The following PARP16 variants were observed in gnomAD, a reference collection of about 807,000 sequenced individuals.
The protein encoded by PARP16 is protein mono-ADP-ribosyltransferase PARP16.
PARP16 carries 31 observed loss-of-function variants against 35.0 expected under a neutral mutation model. The observed-to-expected ratio is 0.88, with a 90% confidence interval of 0.66 to 1.19. PARP16 has a LOEUF of 1.19. Among genes scored for constraint, PARP16 ranks in the 50% most tolerant of loss-of-function variants. PARP16 has a pLI of 0.00. For missense variants in PARP16, 424 were observed against 411.2 expected (o/e 1.03, Z -0.27); for synonymous variants, 162 against 169.5 (o/e 0.96, Z 0.34).
chr15:65,263,569 C>A (rs1374914492), intron 3 of PARP16, among the ~76,000 whole-genome samples: 1 of 152,164 alleles, frequency 6.6e-6, no homozygotes, highest in Non-Finnish European at 1.5e-5. Context: ...CTAGCAGTTC[C>A]TTGTGGTCAA....
chr15:65,263,144 C>A lies in PARP16; in HGVS notation c.691+5G>T, dbSNP rs1448645186. On this transcript the variant is annotated splice_donor_5th_base_variant and intron_variant, in intron 4 of 5. Coordinates refer to ENST00000649807, the MANE Select transcript of PARP16 (RefSeq NM_001316943.2). ...AGCCCAGGTCTGGACCAAGTGCTCACTCACCCTTCTTCTTGGTTTGGCACT... is the reference window on the plus strand; with the variant it reads ...AGCCCAGGTCTGGACCAAGTGCTCAATCACCCTTCTTCTTGGTTTGGCACT... The A allele has an allele frequency of 6.2e-7, 1 of 1,613,050 alleles. No homozygotes were observed. Among genetic ancestry groups the A allele is most frequent in the Admixed American group, 1.7e-5 (1 of 59,884 alleles).
intron 2 of PARP16, among the ~76,000 whole-genome samples, chr15:65,269,184 C>CTTTCTT (rs769154615): frequency 1.5e-4 from 22 of 147,014 alleles, no homozygotes; most frequent in Admixed American, 2.7e-4. Flanking sequence ...TTTTTTCTTT[C>CTTTCTT]TTTCTTTCTT....
At chr15:65,260,507 C>G (rs1288638791) in intron 5 of PARP16, among the ~76,000 whole-genome samples, 1 of 152,180 alleles carries the variant, frequency 6.6e-6, no homozygotes, top group African/African-American at 2.4e-5. Context: ...ACTGAGCCAG[C>G]CTGTGCACAA....
downstream of PARP16, among the ~76,000 whole-genome samples, chr15:65,257,213 T>A (rs1427362636): frequency 6.6e-6 from 1 of 152,130 alleles, no homozygotes; most frequent in African/African-American, 2.4e-5. Flanking sequence ...GGTCAGGAGT[T>A]CATGACCAGC....
downstream of PARP16, among the ~76,000 whole-genome samples, chr15:65,257,164 C>T (rs1420512934): frequency 6.6e-6 from 1 of 152,098 alleles, no homozygotes; most frequent in Non-Finnish European, 1.5e-5. Flanking sequence ...CACCTGTAAT[C>T]CCAGTACTTT....
At chr15:65,251,687 G>A (rs530437023) in intron 2 of PARP16, among the ~76,000 whole-genome samples, 1 of 151,196 alleles carries the variant, frequency 6.6e-6, no homozygotes, top group African/African-American at 2.4e-5. Flanking sequence ...ATATCAAAAT[G>A]AGATACTATT....
At position 65,261,035 on chromosome 15, in the gene PARP16, G is replaced by C. The variant is rs767861788; in HGVS notation, c.692-9C>G. 2.5e-5 allele frequency: 40 copies of C among 1,612,336 alleles called. No individual in the cohort carries two copies. The highest frequency in any genetic ancestry group is 3.4e-5 in the Non-Finnish European group (40 of 1,178,988). On this transcript the variant is annotated splice_polypyrimidine_tract_variant and intron_variant, in intron 4 of 5. Transcript: ENST00000649807. The stretch of plus-strand genomic sequence containing the variant: ...ATCTATCTCCTTGGAATCTGAATAA[G>C]GAGAGTAAAACACATCTTCACTGGG...
At chr15:65,243,715 A>G (rs1484915262) in intron 3 of PARP16, among the ~76,000 whole-genome samples, 2 of 151,932 alleles carry the variant, frequency 1.3e-5, no homozygotes, top group African/African-American at 4.9e-5. Context: ...CTGGGCCTGG[A>G]GGGTTTCATT....
chr15:65,230,938 G>T (rs1199691946), downstream of PARP16, among the ~76,000 whole-genome samples: 1 of 143,314 alleles, frequency 7.0e-6, no homozygotes, highest in Non-Finnish European at 1.5e-5. Context: ...ACCTGGGCTG[G>T]AGTGCAGTGG....
At chr15:65,269,685 A>T (rs961275502) in intron 2 of PARP16, among the ~76,000 whole-genome samples, 2 of 152,216 alleles carry the variant, frequency 1.3e-5, no homozygotes, top group African/African-American at 4.8e-5. Flanking sequence ...GTACTATAAT[A>T]TCCTTTTATA....
chr15:65,249,278 T>A (rs954571684), intron 2 of PARP16, among the ~76,000 whole-genome samples: 1 of 152,230 alleles, frequency 6.6e-6, no homozygotes, highest in African/African-American at 2.4e-5. Context: ...ACTTCAGATC[T>A]AGCTGGAATG....
downstream of PARP16, among the ~76,000 whole-genome samples, chr15:65,253,953 G>A (rs1389864657): frequency 6.6e-6 from 1 of 152,058 alleles, no homozygotes; most frequent in Non-Finnish European, 1.5e-5. Context: ...GAGTAGCTGG[G>A]ACTACAGGCG....
At chr15:65,246,743 G>A (rs1332075112) in intron 3 of PARP16, among the ~76,000 whole-genome samples, 2 of 152,134 alleles carry the variant, frequency 1.3e-5, no homozygotes, top group Non-Finnish European at 2.9e-5. Flanking sequence ...TGAAGGGAGT[G>A]GCTCACACAG....
chr15:65,232,566 C>T (rs775266331), downstream of PARP16, among the ~76,000 whole-genome samples: 4 of 152,074 alleles, frequency 2.6e-5, no homozygotes, highest in Non-Finnish European at 5.9e-5. Context: ...TCACTCACTC[C>T]CATGAGACCA....
intron 2 of PARP16, 136 bp from the exon 3 acceptor site, chr15:65,266,904 A>G: frequency 1.5e-6 from 1 of 662,728 alleles, no homozygotes; most frequent in Non-Finnish European, 2.7e-6. Context: ...GGATAGAGAC[A>G]TAAGCAAACT....
intron 3 of PARP16, among the ~76,000 whole-genome samples, chr15:65,239,284 G>A (rs1454988581): frequency 6.7e-6 from 1 of 149,244 alleles, no homozygotes; most frequent in Non-Finnish European, 1.5e-5. Flanking sequence ...AAAATTAGCC[G>A]GGTGTGGTGG....
At chr15:65,260,449 A>G (rs745375295) in intron 5 of PARP16, among the ~76,000 whole-genome samples, 2 of 152,204 alleles carry the variant, frequency 1.3e-5, no homozygotes, top group Admixed American at 6.5e-5. Context: ...GAAGCATCTC[A>G]GGTCCAGAGA....
chr15:65,267,370 G>A (rs561661820), intron 2 of PARP16, among the ~76,000 whole-genome samples: 5 of 152,122 alleles, frequency 3.3e-5, no homozygotes, highest in African/African-American at 1.2e-4. Flanking sequence ...CACTTTGGGC[G>A]GCCGAGGCAG....
chr15:65,264,493 T>A (rs1021981952), intron 3 of PARP16, among the ~76,000 whole-genome samples: 6 of 152,214 alleles, frequency 3.9e-5, no homozygotes, highest in African/African-American at 1.4e-4. Context: ...AGCACCAGGC[T>A]TCCAAAATCC....
Sources: allele counts gnomAD v4.1 joint callset (sites outside exome capture counted in the v4.1 genomes callset), GRCh38; gene constraint gnomAD v4.1.1; transcripts MANE v1.5; gene names NCBI Gene and HGNC (gene_info 2026-07-23, HGNC 2026-07-21).